The following SPPL3 variants were observed in gnomAD, a reference collection of about 807,000 sequenced individuals.
The protein encoded by SPPL3 is signal peptide peptidase like 3.
In SPPL3, 5 loss-of-function variants were observed where a neutral mutation model predicts 42.4. That is an observed-to-expected ratio of 0.12 (90% CI 0.06 to 0.25). The LOEUF (loss-of-function observed/expected upper bound fraction) is 0.25, where lower values mean the gene tolerates loss of function less well. SPPL3 is among the 10% of genes least tolerant of loss of function. The pLI is 1.00. For missense variants in SPPL3, 235 were observed against 489.0 expected (o/e 0.48, Z 4.90); for synonymous variants, 195 against 181.8 (o/e 1.07, Z -0.58).
At chr12:120,852,224 C>A (rs559388383) in intron 1 of SPPL3, among the ~76,000 whole-genome samples, 1 of 151,666 alleles carries the variant, frequency 6.6e-6, no homozygotes. Flanking sequence ...TGGGCTCAGA[C>A]AAATAATTTA....
In SPPL3 at chr12:120,768,423, G is replaced by T; in HGVS notation, c.675C>A (p.Asp225Glu). 2 of 1,614,206 alleles carry T rather than the reference G, an allele frequency of 1.2e-6. No homozygotes were observed. Among genetic ancestry groups the T allele is most frequent in the Non-Finnish European group, 1.7e-6 (2 of 1,180,030 alleles). Residue 225 changes from aspartate to glutamate, a missense_variant, in exon 8 of 11, where the codon GAC becomes GAA. Coordinates refer to ENST00000353487, the MANE Select transcript of SPPL3 (RefSeq NM_139015.5). ...VMVKVATQPA[D>E]NPLDVLSRKL... ...TCCGGGATAGAACGTCAAGGGGATT[G>T]TCAGCCGGCTGAGTGGCCACCTTCA...
At chr12:120,792,694 C>T (rs1869960667) in intron 2 of SPPL3, among the ~76,000 whole-genome samples, 1 of 86,574 alleles carries the variant, frequency 1.2e-5, no homozygotes, top group South Asian at 3.8e-4. Flanking sequence ...GTGAGACTGT[C>T]TCAAAAAAAA....
chr12:120,793,058 T>A (rs1869974406), intron 2 of SPPL3, among the ~76,000 whole-genome samples: 1 of 152,178 alleles, frequency 6.6e-6, no homozygotes, highest in African/African-American at 2.4e-5. Flanking sequence ...CTAGGATATA[T>A]AAAGAACTCT....
chr12:120,879,535 A>G (rs1873216220), intron 1 of SPPL3, among the ~76,000 whole-genome samples: 1 of 152,150 alleles, frequency 6.6e-6, no homozygotes, highest in African/African-American at 2.4e-5. Flanking sequence ...AAGCAAAATT[A>G]AACAGAGATT....
At chr12:120,858,119 AC>A (rs1324761785) in intron 1 of SPPL3, among the ~76,000 whole-genome samples, 2 of 152,206 alleles carry the variant, frequency 1.3e-5, no homozygotes, top group Non-Finnish European at 2.9e-5. Flanking sequence ...CAGAAAAAAA[AC>A]ATGCCTTTAA....
intron 1 of SPPL3, among the ~76,000 whole-genome samples, chr12:120,842,619 C>G (rs1337330870): frequency 6.6e-6 from 1 of 151,006 alleles, no homozygotes; most frequent in Non-Finnish European, 1.5e-5. Context: ...AGGACTCACT[C>G]TGCTTCATCG....
At chr12:120,785,537 G>T (rs1282941439) in intron 3 of SPPL3, among the ~76,000 whole-genome samples, 1 of 151,702 alleles carries the variant, frequency 6.6e-6, no homozygotes, top group Non-Finnish European at 1.5e-5. Flanking sequence ...GGAAAACATG[G>T]CAAACTCTAA....
chr12:120,813,133 T>C (rs573736224), intron 1 of SPPL3, among the ~76,000 whole-genome samples: 6 of 152,186 alleles, frequency 3.9e-5, no homozygotes, highest in African/African-American at 1.4e-4. Flanking sequence ...AGATTATCTT[T>C]TTTTTTTAAG....
chr12:120,897,875 C>A (rs550695700), intron 1 of SPPL3, among the ~76,000 whole-genome samples: 1 of 152,096 alleles, frequency 6.6e-6, no homozygotes, highest in Non-Finnish European at 1.5e-5. Flanking sequence ...AAAAGTAGAA[C>A]TGACTTCCAC....
intron 6 of SPPL3, among the ~76,000 whole-genome samples, chr12:120,776,075 G>A (rs1021448723): frequency 6.6e-6 from 1 of 152,158 alleles, no homozygotes; most frequent in Admixed American, 6.5e-5. Flanking sequence ...ACTAGTCTGA[G>A]AAACAAACGA....
intron 1 of SPPL3, among the ~76,000 whole-genome samples, chr12:120,877,204 C>T (rs1402771474): frequency 6.6e-6 from 1 of 152,162 alleles, no homozygotes; most frequent in Admixed American, 6.5e-5. Flanking sequence ...AGGCCAATAT[C>T]TGGTAACAAA....
intron 2 of SPPL3, among the ~76,000 whole-genome samples, chr12:120,808,929 C>T (rs541766652): frequency 1.2e-4 from 19 of 152,232 alleles, no homozygotes; most frequent in African/African-American, 4.6e-4. Context: ...AAATAAAATA[C>T]TTGTCCACAG....
chr12:120,834,594 C>T (rs867755156), intron 1 of SPPL3, among the ~76,000 whole-genome samples: 1 of 152,140 alleles, frequency 6.6e-6, no homozygotes, highest in Non-Finnish European at 1.5e-5. Context: ...TTTCCTCTCC[C>T]GTCGCCATAC....
chr12:120,857,981 AAAAG>A (rs1448925530), intron 1 of SPPL3, among the ~76,000 whole-genome samples: 1 of 151,526 alleles, frequency 6.6e-6, no homozygotes, highest in African/African-American at 2.4e-5. Context: ...TATATATTTA[AAAAG>A]AAAGAAAATT....
intron 1 of SPPL3, among the ~76,000 whole-genome samples, chr12:120,867,841 GGGTTCAAGT>G (rs1478279234): frequency 1.3e-5 from 2 of 151,734 alleles, no homozygotes; most frequent in African/African-American, 4.8e-5. Context: ...TCCACCTCCC[GGGTTCAAGT>G]GATTCTCCTG....
At chr12:120,871,650 G>A (rs149814277) in intron 1 of SPPL3, among the ~76,000 whole-genome samples, 74 of 152,146 alleles carry the variant, frequency 4.9e-4, no homozygotes, top group Middle Eastern at 3.4e-3. Context: ...CTACTCGGGC[G>A]GCTAAGGCAG....
chr12:120,791,390 A>C (rs1869911180), intron 3 of SPPL3, 79 bp downstream of exon 3: 1 of 954,200 alleles, frequency 1.0e-6, no homozygotes, highest in Non-Finnish European at 1.6e-6. Context: ...GAACCCAGTA[A>C]ATTATTAACT....
intron 1 of SPPL3, among the ~76,000 whole-genome samples, chr12:120,896,708 G>A (rs543476466): frequency 2.0e-5 from 3 of 152,170 alleles, no homozygotes; most frequent in Non-Finnish European, 2.9e-5. Context: ...GAACCTGGGA[G>A]GTGGAGGTAG....
At chr12:120,775,576 T>C (rs979363968) in intron 6 of SPPL3, among the ~76,000 whole-genome samples, 5 of 152,206 alleles carry the variant, frequency 3.3e-5, no homozygotes, top group Non-Finnish European at 5.9e-5. Context: ...CAAGATTCTG[T>C]TAGTCCCTGA....
Sources: allele counts gnomAD v4.1 joint callset (sites outside exome capture counted in the v4.1 genomes callset), GRCh38; gene constraint gnomAD v4.1.1; transcripts MANE v1.5; gene names NCBI Gene and HGNC (gene_info 2026-07-23, HGNC 2026-07-21).